The following CORO2B variants were observed in gnomAD, a reference collection of about 807,000 sequenced individuals.
CORO2B encodes coronin 2B.
In CORO2B, 26 loss-of-function variants were observed where a neutral mutation model predicts 58.8. The ratio of observed to expected loss-of-function variants is 0.44; its 90% CI spans 0.32 to 0.61. CORO2B has a LOEUF of 0.61. CORO2B is among the 20% of genes least tolerant of loss of function. The pLI is 0.04. For missense variants in CORO2B, 460 were observed against 645.1 expected (o/e 0.71, Z 3.11); for synonymous variants, 242 against 253.8 (o/e 0.95, Z 0.44).
At chr15:68,716,247 A>G (rs1453182504) in intron 8 of CORO2B, among the ~76,000 whole-genome samples, 1 of 152,218 alleles carries the variant, frequency 6.6e-6, no homozygotes, top group Non-Finnish European at 1.5e-5. Context: ...TGGACTTTGG[A>G]GTCAGACCTG....
chr15:68,583,868 G>A (rs1899490179), intron 1 of CORO2B, among the ~76,000 whole-genome samples: 1 of 152,184 alleles, frequency 6.6e-6, no homozygotes, highest in Non-Finnish European at 1.5e-5. Flanking sequence ...CAGCTCCCGG[G>A]TGGGAGCCCA....
intron 3 of CORO2B, among the ~76,000 whole-genome samples, chr15:68,708,228 G>A (rs981023837): frequency 6.6e-6 from 1 of 152,070 alleles, no homozygotes; most frequent in Non-Finnish European, 1.5e-5. Context: ...TGAGGGAAAT[G>A]CTTATTCTTA....
chr15:68,602,407 TCACACACACACACACACA>T (rs370587519), intron 1 of CORO2B, among the ~76,000 whole-genome samples: 1 of 138,976 alleles, frequency 7.2e-6, no homozygotes, highest in African/African-American at 2.7e-5. Flanking sequence ...TAGGGGCTGA[TCACACACACACACACACA>T]CACACACACA....
intron 1 of CORO2B, among the ~76,000 whole-genome samples, chr15:68,620,975 T>G (rs1900500338): frequency 6.6e-6 from 1 of 152,230 alleles, no homozygotes. Flanking sequence ...GGGCCTATTA[T>G]ATGCTGCTCC....
intron 1 of CORO2B, among the ~76,000 whole-genome samples, chr15:68,624,954 T>G (rs1260952344): frequency 2.0e-5 from 3 of 152,206 alleles, no homozygotes; most frequent in Non-Finnish European, 4.4e-5. Context: ...GTGCTGAGAT[T>G]ACAGGCATGA....
At chr15:68,662,116 C>T (rs1049196010) in intron 2 of CORO2B, among the ~76,000 whole-genome samples, 2 of 152,176 alleles carry the variant, frequency 1.3e-5, no homozygotes, top group African/African-American at 4.8e-5. Flanking sequence ...TCTGCTGCTT[C>T]CTGGTTGGCA....
intron 2 of CORO2B, among the ~76,000 whole-genome samples, chr15:68,692,672 C>A (rs142368821): frequency 6.8e-6 from 1 of 146,060 alleles, no homozygotes; most frequent in Admixed American, 6.9e-5. Context: ...CTCACTCTGT[C>A]GCCCAGACTG....
At chr15:68,632,378 A>G (rs1900866004) in intron 1 of CORO2B, 1 of 985,356 alleles carries the variant, frequency 1.0e-6, no homozygotes, top group Admixed American at 6.1e-5. Context: ...AGCTCGGTCC[A>G]GTAGAGTTGT....
chr15:68,601,284 G>A (rs1899975214), intron 1 of CORO2B, among the ~76,000 whole-genome samples: 1 of 152,216 alleles, frequency 6.6e-6, no homozygotes, highest in Non-Finnish European at 1.5e-5. Flanking sequence ...ACTGCCGCTG[G>A]GCTCCAGGGC....
At chr15:68,548,305 GTTC>G in the CORO2B span, among the ~76,000 whole-genome samples, 1 of 151,874 alleles carries the variant, frequency 6.6e-6, no homozygotes, top group Non-Finnish European at 1.5e-5. Context: ...TTGTTCGCCT[GTTC>G]TTCTACTAAT....
At chr15:68,523,782 G>A in the CORO2B span, among the ~76,000 whole-genome samples, 2 of 152,110 alleles carry the variant, frequency 1.3e-5, no homozygotes, top group East Asian at 1.9e-4. Flanking sequence ...ACCCTACCAG[G>A]CCCTGCAGCC....
At chr15:68,531,615 G>A in the CORO2B span, among the ~76,000 whole-genome samples, 3 of 144,356 alleles carry the variant, frequency 2.1e-5, no homozygotes, top group South Asian at 4.4e-4. Flanking sequence ...GGAAGGGAAG[G>A]AGAGAGAGAG....
chr15:68,540,466 A>G, the CORO2B span, among the ~76,000 whole-genome samples: 15 of 152,242 alleles, frequency 9.9e-5, no homozygotes, highest in Non-Finnish European at 1.5e-4. Flanking sequence ...AATGTCTGCC[A>G]AATACACAAG....
the CORO2B span, among the ~76,000 whole-genome samples, chr15:68,548,093 C>A: frequency 3.3e-5 from 5 of 152,022 alleles, no homozygotes; most frequent in African/African-American, 1.2e-4. Context: ...ATTGCTGGAA[C>A]CTAGGAGGCG....
chr15:68,726,256 G>A lies in CORO2B; in HGVS notation c.*282G>A, dbSNP rs977095465. Reference sequence around the variant, plus strand: ...CTGGGTGAAGACTACAGACTCCCTGGGGTTGGCAGGGGCTCCATCTCAGTG... The same window carrying A: ...CTGGGTGAAGACTACAGACTCCCTGAGGTTGGCAGGGGCTCCATCTCAGTG... On this transcript the variant is annotated 3_prime_UTR_variant, in exon 12 of 12. Coordinates refer to ENST00000261861, the MANE Select transcript of CORO2B (RefSeq NM_006091.5). 1.2e-4 allele frequency: 47 copies of A among 388,952 alleles called. No homozygotes were observed. Among genetic ancestry groups the A allele is most frequent in the Non-Finnish European group, 2.0e-4 (43 of 215,176 alleles). 24.1% of individuals were successfully genotyped at this position (388,952 alleles called of 1,614,324 possible). A position where few individuals can be genotyped will look rare whatever the true frequency, so the allele number is the denominator to read the frequency against.
chr15:68,665,202 A>G (rs530590885), intron 2 of CORO2B, among the ~76,000 whole-genome samples: 1 of 152,294 alleles, frequency 6.6e-6, no homozygotes, highest in East Asian at 1.9e-4. Flanking sequence ...CCAGGTATCT[A>G]TCCAGTTGAA....
At chr15:68,597,637 A>AAAAT (rs1555410482) in intron 1 of CORO2B, among the ~76,000 whole-genome samples, 4 of 151,294 alleles carry the variant, frequency 2.6e-5, no homozygotes, top group African/African-American at 9.8e-5. Flanking sequence ...CAAAAAAAAA[A>AAAAT]AAATAAATAA....
the CORO2B span, among the ~76,000 whole-genome samples, chr15:68,545,603 T>TGA: frequency 1.4e-5 from 1 of 71,630 alleles, no homozygotes; most frequent in East Asian, 4.3e-4. Flanking sequence ...GCAACAGGAA[T>TGA]GCGGGGGGCG....
chr15:68,579,348 C>T, intron 1 of CORO2B, 71 bp downstream of exon 1: 1 of 1,225,242 alleles, frequency 8.2e-7, no homozygotes, highest in Non-Finnish European at 1.0e-6. Flanking sequence ...CTGCGGGGGG[C>T]GCGGGGGTGT....
Sources: allele counts gnomAD v4.1 joint callset (sites outside exome capture counted in the v4.1 genomes callset), GRCh38; gene constraint gnomAD v4.1.1; transcripts MANE v1.5; gene names NCBI Gene and HGNC (gene_info 2026-07-23, HGNC 2026-07-21).